ZNF497: variants seen among roughly 807,000 people sequenced by gnomAD.
ZNF497 encodes the protein zinc finger protein 497.
For missense variants in ZNF497, 930 were observed against 714.0 expected (o/e 1.30, Z -3.45); for synonymous variants, 422 against 313.7 (o/e 1.35, Z -3.65).
Position 58,357,082 on chromosome 19 carries a change from CTG to C in ZNF497, c.552_553del (p.His184GlnfsTer143), listed in dbSNP as rs774827035. On this transcript the variant is annotated frameshift_variant, in exon 3 of 3. Coordinates refer to ENST00000311044, the MANE Select transcript of ZNF497 (RefSeq NM_198458.3). Reference sequence around the variant, plus strand: ...CGGGCAGCGGAAGGGCTTCAGGCCGCTGTGTGTCTCCTGGTGGTGGATGAGCT... The same window carrying C: ...CGGGCAGCGGAAGGGCTTCAGGCCGCTGTGTCTCCTGGTGGTGGATGAGCT... The C allele has an allele frequency of 1.9e-6, 3 of 1,607,780 alleles. No homozygotes were observed. Among genetic ancestry groups the C allele is most frequent in the South Asian group, 1.1e-5 (1 of 90,822 alleles).
Position 58,356,174 on chromosome 19 carries a change from G to C in ZNF497, c.1462C>G (p.His488Asp), listed in dbSNP as rs150376661. Residue 488 changes from histidine to aspartate, a missense_variant, in exon 3 of 3, where the codon CAC (histidine) becomes GAC (aspartate). Transcript: ENST00000311044. The stretch of plus-strand genomic sequence containing the variant: ...GCGCGGCCCCCGTGCCGCTTCTGGT[G>C]CTCGTTGAGGTTGCAACGGTGGCTG... ...PFSHRCNLNE[H>D]QKRHGGRAAP 6.3e-7 allele frequency: 1 copy of C among 1,582,438 alleles called. No homozygotes were observed. The highest frequency in any genetic ancestry group is 8.6e-7 in the Non-Finnish European group (1 of 1,162,400).
chr19:58,360,812 T>C (rs1429253970), intron 1 of ZNF497, among the ~76,000 whole-genome samples: 5 of 123,016 alleles, frequency 4.1e-5, no homozygotes, highest in African/African-American at 1.6e-4. Flanking sequence ...AGAAGAGTCT[T>C]GCTCTGTCGC....
chr19:58,357,096 G>C lies in ZNF497; in HGVS notation c.540C>G (p.His180Gln). Residue 180 changes from histidine (H) to glutamine (Q), a missense_variant, in exon 3 of 3, where the codon CAC becomes CAG. By Grantham distance (24) the His-to-Gln change is conservative. Transcript: ENST00000311044. ...AFRAHSQLIH[H>Q]QETHSGLKPF... ...GCTTCAGGCCGCTGTGTGTCTCCTG[G>C]TGGTGGATGAGCTGCGAGTGCGCGC... 6.2e-7 allele frequency: 1 copy of C among 1,608,870 alleles called. No homozygotes were observed. Among genetic ancestry groups the C allele is most frequent in the South Asian group, 1.1e-5 (1 of 90,930 alleles).
Position 58,356,050 on chromosome 19 carries a change from G to C in ZNF497, c.*89C>G, listed in dbSNP as rs1002562361. The C allele has an allele frequency of 2.1e-6, 3 of 1,409,942 alleles. No homozygotes were observed. The highest frequency in any genetic ancestry group is 5.2e-4 in the Middle Eastern group (2 of 3,820). 87.3% of individuals were successfully genotyped at this position (1,409,942 alleles called of 1,614,324 possible). On this transcript the variant is annotated 3_prime_UTR_variant, in exon 3 of 3. Transcript: ENST00000311044. ...AGGAGGGCGCCCGCACCGGCGGCCC[G>C]AAAAAGTCTGGGCCAGCAGACAGCG...
At chr19:58,358,136 G>A (rs1169504385) in intron 2 of ZNF497, 46 of 1,270,766 alleles carry the variant, frequency 3.6e-5, no homozygotes, top group East Asian at 5.6e-5. Context: ...CACCCTGGCC[G>A]GATCCCTGGG....
intron 2 of ZNF497, chr19:58,357,925 CAGA>C (rs972810477): frequency 3.0e-6 from 4 of 1,353,664 alleles, no homozygotes; most frequent in African/African-American, 3.0e-5. Context: ...GCCAGCATCG[CAGA>C]AGGACTCAAA....
chr19:58,361,103 T>C (rs1161316053), intron 1 of ZNF497, among the ~76,000 whole-genome samples: 1 of 151,892 alleles, frequency 6.6e-6, no homozygotes, highest in African/African-American at 2.4e-5. Flanking sequence ...CCTGAACTCT[T>C]GACCTCAGAT....
At position 58,357,787 on chromosome 19, in the gene ZNF497, G is replaced by A. The variant is rs908215624; in HGVS notation, c.-14-138C>T. ...GGTCCCTGGATGCCCAATGCCCTCT[G>A]GAGCCTGGAGCAGGAAGGCCAGCAG... is the stretch of plus-strand genomic sequence containing the variant. On this transcript the variant is annotated intron_variant, in intron 2 of 2. Transcript: ENST00000311044. 3 of 1,199,232 alleles carry A rather than the reference G, an allele frequency of 2.5e-6. No homozygotes were observed. The Admixed American group carries it at 9.5e-5, about 38-fold the overall frequency. The allele number at this position is 1,199,232 out of a possible 1,614,324, so 74.3% of individuals were successfully genotyped here. A position where few individuals can be genotyped will look rare whatever the true frequency, so the allele number is the denominator to read the frequency against.
Position 58,357,644 on chromosome 19 carries a change from T to A in ZNF497, c.-9A>T. 6.6e-7 allele frequency: 1 copy of A among 1,517,448 alleles called. No homozygotes were observed. The highest frequency in any genetic ancestry group is 8.8e-7 in the Non-Finnish European group (1 of 1,134,708). 94.0% of individuals were successfully genotyped at this position (1,517,448 alleles called of 1,614,324 possible). ...CCTCTTGGGGACTCCATCTCGCGCC[T>A]GTGACCTAAAACAGGAGAGAAAAGG... On this transcript the variant is annotated 5_prime_UTR_variant, in exon 3 of 3. Transcript: ENST00000311044.
In ZNF497 at chr19:58,357,149, C is replaced by T. The variant is rs201423136; in HGVS notation, c.487G>A (p.Ala163Thr). ...AAGGCCTTGCCGCACTCCCTGCAAG[C>T]GTAGGGCTTCTCGCCGCTGTGGATG... The part of the protein sequence containing the change: ...QRIHSGEKPY[A>T]CRECGKAFRA... Residue 163 changes from alanine (A) to threonine (T), a missense_variant, in exon 3 of 3, where the codon GCT (alanine) becomes ACT (threonine). Ala to Thr is a moderately conservative substitution (Grantham distance 58). Transcript: ENST00000311044. The T allele has an allele frequency of 1.1e-5, 17 of 1,601,814 alleles. No individual in the cohort carries two copies. Among genetic ancestry groups the T allele is most frequent in the South Asian group, 7.8e-5 (7 of 90,092 alleles).
At chr19:58,362,510 G>C (rs1433232366) in intron 1 of ZNF497, 167 bp downstream of exon 1, 1 of 152,078 alleles carries the variant, frequency 6.6e-6, no homozygotes, top group Non-Finnish European at 1.5e-5. Context: ...CCTCTGGCCC[G>C]TGCAGGGCCA....
At chr19:58,357,775 C>T in intron 2 of ZNF497, 126 bp from the exon 3 acceptor site, 1 of 1,209,004 alleles carries the variant, frequency 8.3e-7, no homozygotes, top group Non-Finnish European at 1.1e-6. Flanking sequence ...CCCTGGATGC[C>T]CAATGCCCTC....
At chr19:58,357,840 A>G in intron 2 of ZNF497, 191 bp from the exon 3 acceptor site, 1 of 1,269,920 alleles carries the variant, frequency 7.9e-7, no homozygotes, top group Non-Finnish European at 1.0e-6. Flanking sequence ...GGGATGGGCC[A>G]GCACTCTGGG....
chr19:58,359,137 C>A (rs752002275), intron 1 of ZNF497: 2 of 1,260,932 alleles, frequency 1.6e-6, no homozygotes, highest in South Asian at 2.5e-5. Flanking sequence ...GCCCTGCTGC[C>A]TTCTCATAGC....
rs370174117 is a variant in ZNF497 at position 58,357,526 on chromosome 19, C to T, written c.110G>A (p.Gly37Asp). 3.4e-5 allele frequency: 55 copies of T among 1,605,954 alleles called. No individual in the cohort carries two copies. The East Asian group carries it at 8.7e-4, about 25-fold the overall frequency. The stretch of plus-strand genomic sequence containing the variant: ...CGTGGAGTTTTCCCAGGCCCCCCAG[C>T]CTCCAGACACAGCCCCCTCAGAGAG... ...RGLSEGAVSG[G>D]WGAWENSTEV... Residue 37 changes from glycine (G) to aspartate (D), a missense_variant, in exon 3 of 3, where the codon GGC (glycine) becomes GAC (aspartate). Coordinates refer to ENST00000311044, the MANE Select transcript of ZNF497 (RefSeq NM_198458.3).
In ZNF497 at chr19:58,356,745, G is replaced by T; in HGVS notation, c.891C>A (p.Ser297Arg). Residue 297 changes from serine (S) to arginine (R), a missense_variant, in exon 3 of 3, where the codon AGC becomes AGA. Transcript: ENST00000311044. ...AGLRQHRRTH[S>R]SEKPFPCAEC... is the part of the protein sequence containing the mutation. The stretch of plus-strand genomic sequence containing the variant: ...CGGCGCAGGGGAAGGGCTTCTCGCT[G>T]CTGTGCGTGCGCCGGTGCTGCCGCA... The T allele has an allele frequency of 1.3e-6, 2 of 1,563,518 alleles. No individual in the cohort carries two copies. The highest frequency in any genetic ancestry group is 8.6e-7 in the Non-Finnish European group (1 of 1,161,854).
Position 58,356,567 on chromosome 19 carries a change from G to T in ZNF497, c.1069C>A (p.Pro357Thr). Residue 357 changes from proline (P) to threonine (T), a missense_variant, in exon 3 of 3, where the codon CCT (proline) becomes ACT (threonine). Coordinates refer to ENST00000311044, the MANE Select transcript of ZNF497 (RefSeq NM_198458.3). ...TTGCCGCACTGGGCGCACGCATGAG[G>T]CTTCTCGCCCGTGTGCACGCGCCGG... Reference protein sequence around the residue: ...EHRRVHTGEKPHACAQCGKAF... With the variant: ...EHRRVHTGEKTHACAQCGKAF... 2 of 1,549,152 alleles carry T rather than the reference G, an allele frequency of 1.3e-6. No homozygotes were observed. Among genetic ancestry groups the T allele is most frequent in the Non-Finnish European group, 1.7e-6 (2 of 1,152,142 alleles).
chr19:58,356,741 CGCTGCTGTGCGTGCGCCGGT>C lies in ZNF497; in HGVS notation c.875_894del (p.His292ArgfsTer29), dbSNP rs1358385310. 2.4e-5 allele frequency: 37 copies of C among 1,567,618 alleles called. No individual in the cohort carries two copies. The highest frequency in any genetic ancestry group is 3.2e-5 in the Non-Finnish European group (37 of 1,163,664). ...CACTCGGCGCAGGGGAAGGGCTTCT[CGCTGCTGTGCGTGCGCCGGT>C]GCTGCCGCAGCCCCGCCACACGCAC... On this transcript the variant is annotated frameshift_variant, in exon 3 of 3. Transcript: ENST00000311044.
At chr19:58,358,018 A>G (rs1237194521) in intron 2 of ZNF497, 1 of 1,225,570 alleles carries the variant, frequency 8.2e-7, no homozygotes, top group Non-Finnish European at 1.0e-6. Flanking sequence ...CCAAGTGTCA[A>G]GAAGGTGGAG....
Sources: gnomAD v4.1 joint callset for allele counts (sites outside exome capture counted in the v4.1 genomes callset) on GRCh38, gnomAD v4.1.1 for gene constraint, MANE v1.5 for transcripts, NCBI Gene and HGNC (gene_info 2026-07-23, HGNC 2026-07-21) for gene names.